Variants in THEMIS observed in about 807,000 individuals in gnomAD.
The protein encoded by THEMIS is thymocyte selection associated.
In THEMIS, 37 loss-of-function variants were observed where a neutral mutation model predicts 52.6. The ratio of observed to expected loss-of-function variants is 0.70; its 90% CI spans 0.54 to 0.93. The LOEUF is 0.93. THEMIS is among the 40% of genes least tolerant of loss of function. THEMIS has a pLI of 0.00. For synonymous variants in THEMIS, 292 were observed against 272.7 expected (o/e 1.07, Z -0.70); for missense variants, 808 against 763.1 (o/e 1.06, Z -0.69).
chr6:127,843,688 A>C (rs1356925233), intron 2 of THEMIS, among the ~76,000 whole-genome samples: 1 of 151,878 alleles, frequency 6.6e-6, no homozygotes, highest in Non-Finnish European at 1.5e-5. Context: ...GTGCCCTCCC[A>C]GATTGCACTA....
rs954880793 is a variant in THEMIS, at chr6:127,709,912, C to G, written c.*73G>C. The G allele has an allele frequency of 1.4e-6, 2 of 1,390,910 alleles. No individual in the cohort carries two copies. The highest frequency in any genetic ancestry group is 2.0e-6 in the Non-Finnish European group (2 of 1,005,736). The allele number at this position is 1,390,910 out of a possible 1,614,324, so 86.2% of individuals were successfully genotyped here. ...AGTCCATTGGGGAATACTCGTTTTT[C>G]AGCTAGAAGGCTAGCTTCTTTTTTC... On this transcript the variant is annotated 3_prime_UTR_variant, in exon 6 of 6. Transcript: ENST00000368248.
At chr6:127,893,081 T>G (rs1481469463) in intron 1 of THEMIS, among the ~76,000 whole-genome samples, 1 of 152,142 alleles carries the variant, frequency 6.6e-6, no homozygotes, top group East Asian at 1.9e-4. Flanking sequence ...TAGTTTGGGT[T>G]TTTTTGGAAT....
chr6:127,869,578 G>A (rs749785972), intron 1 of THEMIS, among the ~76,000 whole-genome samples: 1 of 152,126 alleles, frequency 6.6e-6, no homozygotes, highest in Non-Finnish European at 1.5e-5. Context: ...GGAGTTCCAG[G>A]CATATTAATC....
chr6:127,830,089 T>C (rs1443181268), intron 2 of THEMIS, among the ~76,000 whole-genome samples, 155 bp from the exon 3 acceptor site: 1 of 152,180 alleles, frequency 6.6e-6, no homozygotes, highest in Non-Finnish European at 1.5e-5. Context: ...TCCAGAGTTC[T>C]TCTAGGTAAA....
At chr6:127,826,215 C>A (rs1367406110) in intron 3 of THEMIS, among the ~76,000 whole-genome samples, 1 of 152,022 alleles carries the variant, frequency 6.6e-6, no homozygotes, top group Non-Finnish European at 1.5e-5. Context: ...AAATTTGGCC[C>A]TCGTGTCAAG....
intron 4 of THEMIS, among the ~76,000 whole-genome samples, chr6:127,743,002 A>G (rs1775262677): frequency 6.6e-6 from 1 of 152,190 alleles, no homozygotes. Context: ...TGCAAAAATC[A>G]TTTATTAAAA....
intron 2 of THEMIS, among the ~76,000 whole-genome samples, chr6:127,841,781 C>A (rs1382400159): frequency 6.6e-6 from 1 of 151,814 alleles, no homozygotes; most frequent in Non-Finnish European, 1.5e-5. Context: ...ATTTCTTTTG[C>A]ATGCTGATTA....
At chr6:127,866,798 A>G (rs957050533) in intron 1 of THEMIS, among the ~76,000 whole-genome samples, 20 of 151,880 alleles carry the variant, frequency 1.3e-4, no homozygotes, top group African/African-American at 4.8e-4. Flanking sequence ...AATAAAAGCC[A>G]AAAGATCCCT....
chr6:127,838,311 T>C (rs2114687049), intron 2 of THEMIS, among the ~76,000 whole-genome samples: 1 of 152,226 alleles, frequency 6.6e-6, no homozygotes, highest in Middle Eastern at 3.4e-3. Flanking sequence ...TAGATACCTA[T>C]ATAGGTGGAA....
rs71028110 is a variant in THEMIS, at chr6:127,862,428, ATTTTT to A, written c.92-7245_92-7241del. ...GCAGGTGAAATCTCCTAGGGAGTAA[ATTTTT>A]TTTTTTTTTTTTTTTTTGCTCTGTT... On this transcript the variant is annotated intron_variant, in intron 1 of 5. Transcript: ENST00000368248. Among the ~76,000 whole-genome samples, 210 of 72,790 alleles carry A rather than the reference ATTTTT, an allele frequency of 2.9e-3. 5 individuals carry two copies. The highest frequency in any genetic ancestry group is 9.0e-3 in the African/African-American group (190 of 21,066). The allele number at this position is 72,790 out of a possible 152,430, so 47.8% of individuals were successfully genotyped here.
chr6:127,917,834 C>T (rs746391280), intron 1 of THEMIS, among the ~76,000 whole-genome samples: 4 of 152,156 alleles, frequency 2.6e-5, no homozygotes, highest in Non-Finnish European at 5.9e-5. Flanking sequence ...TTCCTGCTTC[C>T]GAGGAAGCTG....
intron 4 of THEMIS, among the ~76,000 whole-genome samples, chr6:127,729,609 T>G (rs573824583): frequency 4.1e-4 from 63 of 152,210 alleles, no homozygotes; most frequent in African/African-American, 1.3e-3. Context: ...ATATGACCCT[T>G]TCTCTTCCAC....
intron 2 of THEMIS, among the ~76,000 whole-genome samples, chr6:127,835,565 G>A (rs943614251): frequency 3.5e-4 from 53 of 152,258 alleles, no homozygotes; most frequent in African/African-American, 1.2e-3. Context: ...TGGTTATTAA[G>A]TCTCCTCATT....
chr6:127,711,804 A>C (rs1303344971), intron 5 of THEMIS, among the ~76,000 whole-genome samples: 1 of 151,956 alleles, frequency 6.6e-6, no homozygotes. Context: ...CTTAGGGAGC[A>C]GGGGGATGGG....
chr6:127,890,621 T>A (rs569555684), intron 1 of THEMIS, among the ~76,000 whole-genome samples: 6 of 152,208 alleles, frequency 3.9e-5, no homozygotes, highest in Non-Finnish European at 8.8e-5. Flanking sequence ...ATGATCAATG[T>A]TTGAGGTGAA....
chr6:127,857,074 T>TA (rs11448382), intron 1 of THEMIS, among the ~76,000 whole-genome samples: 84,454 of 148,376 alleles, frequency 0.57, 24,825 homozygotes, highest in East Asian at 0.82. Context: ...AAACTTTGAT[T>TA]AAAAAAAAAA....
chr6:127,918,100 T>C (rs1186581463), intron 1 of THEMIS, among the ~76,000 whole-genome samples: 1 of 152,210 alleles, frequency 6.6e-6, no homozygotes, highest in East Asian at 1.9e-4. Context: ...GCTATATTCT[T>C]GGATAGGTCC....
chr6:127,847,908 A>G (rs1440029308), intron 2 of THEMIS, among the ~76,000 whole-genome samples: 1 of 149,252 alleles, frequency 6.7e-6, no homozygotes, highest in Non-Finnish European at 1.5e-5. Flanking sequence ...TATTATTATT[A>G]TTATTATTAT....
chr6:127,798,690 C>T (rs1056084459), intron 4 of THEMIS, among the ~76,000 whole-genome samples: 7 of 152,044 alleles, frequency 4.6e-5, no homozygotes, highest in Non-Finnish European at 1.0e-4. Context: ...AACAAAATTC[C>T]AATTGAAAAA....
Sources: gnomAD v4.1 joint callset for allele counts (sites outside exome capture counted in the v4.1 genomes callset) on GRCh38, gnomAD v4.1.1 for gene constraint, MANE v1.5 for transcripts, NCBI Gene and HGNC (gene_info 2026-07-23, HGNC 2026-07-21) for gene names.